SEMA3D: variants seen among roughly 807,000 people sequenced by gnomAD.
SEMA3D encodes semaphorin 3D.
In SEMA3D, 84 loss-of-function variants were observed where a neutral mutation model predicts 100.1. The observed-to-expected ratio is 0.84, with a 90% CI of 0.70 to 1.01. SEMA3D has a LOEUF of 1.01. Ranked by LOEUF, SEMA3D falls within the 50% of genes least tolerant of loss-of-function variation. SEMA3D has a pLI of 0.00. For missense variants in SEMA3D, 875 were observed against 934.1 expected, an observed-to-expected ratio of 0.94 and a Z score of 0.82; for synonymous variants, 312 against 320.7, an observed-to-expected ratio of 0.97 and a Z score of 0.29.
chr7:85,236,284 T>A, the SEMA3D span, among the ~76,000 whole-genome samples: 26,778 of 112,408 alleles, frequency 0.24, 3,079 homozygotes, highest in Middle Eastern at 0.32. Context: ...TATTTTATTT[T>A]ATTTATTTAT....
At chr7:85,246,088 T>C in the SEMA3D span, among the ~76,000 whole-genome samples, 1 of 152,132 alleles carries the variant, frequency 6.6e-6, no homozygotes, top group Non-Finnish European at 1.5e-5. Flanking sequence ...GTGCATGATT[T>C]AATGTCGACA....
chr7:85,181,791 C>A, intron 1 of SEMA3D: 5 of 980,142 alleles, frequency 5.1e-6, no homozygotes, highest in Non-Finnish European at 6.1e-6. Context: ...GATTAGCATG[C>A]TAGTTAAAGA....
the SEMA3D span, among the ~76,000 whole-genome samples, chr7:85,215,732 G>A: frequency 1.3e-5 from 2 of 152,010 alleles, no homozygotes; most frequent in African/African-American, 4.8e-5. Flanking sequence ...CTTACTACAT[G>A]TAAATATATA....
In SEMA3D at chr7:85,121,191, A is replaced by G. The variant is rs148262197; in HGVS notation, c.151+550T>C. 4.3e-3 allele frequency among the ~76,000 whole-genome samples: 652 copies of G among 152,352 alleles called. 5 individuals carry two copies. Among genetic ancestry groups the G allele is most frequent in the African/African-American group, 0.015 (638 of 41,580 alleles). On this transcript the variant is annotated intron_variant, in intron 3 of 18. Transcript: ENST00000284136. ...CAGACACACACAAAGTTGACCAACCATAATTCATATAAACTTTGCTTTTAT... is the reference window on the plus strand; with the variant it reads ...CAGACACACACAAAGTTGACCAACCGTAATTCATATAAACTTTGCTTTTAT...
intron 9 of SEMA3D, among the ~76,000 whole-genome samples, chr7:85,045,664 T>A (rs1428814379): frequency 6.6e-6 from 1 of 151,910 alleles, no homozygotes; most frequent in African/African-American, 2.4e-5. Flanking sequence ...TTAATAAGAA[T>A]AAGCAAAAAT....
intron 5 of SEMA3D, 37 bp from the exon 6 acceptor site, chr7:85,073,118 T>C (rs1791822549): frequency 6.3e-7 from 1 of 1,597,216 alleles, no homozygotes; most frequent in South Asian, 1.1e-5. Context: ...TAACACACAA[T>C]TCAGGTTTTT....
chr7:85,021,798 A>AT (rs1417551688), intron 13 of SEMA3D, among the ~76,000 whole-genome samples: 1 of 151,788 alleles, frequency 6.6e-6, no homozygotes, highest in Non-Finnish European at 1.5e-5. Flanking sequence ...TTTTTTTGAG[A>AT]TTAAGTTTTT....
At chr7:85,095,807 T>C (rs1291751052) in intron 4 of SEMA3D, among the ~76,000 whole-genome samples, 3 of 152,054 alleles carry the variant, frequency 2.0e-5, no homozygotes, top group Non-Finnish European at 4.4e-5. Context: ...TTCAAACAAC[T>C]TTATTTTAAT....
the SEMA3D span, among the ~76,000 whole-genome samples, chr7:85,238,838 T>C: frequency 6.6e-6 from 1 of 152,172 alleles, no homozygotes; most frequent in African/African-American, 2.4e-5. Context: ...AGAATTTCTC[T>C]TCATTTATTT....
chr7:85,080,509 G>A (rs538827335), intron 5 of SEMA3D, among the ~76,000 whole-genome samples: 3 of 152,086 alleles, frequency 2.0e-5, no homozygotes, highest in East Asian at 1.9e-4. Flanking sequence ...TAATACCCCC[G>A]CATTATTGTG....
rs34641872 is a variant in SEMA3D, at chr7:85,126,375, C to CGT, written c.-40-4446_-40-4445dup. Among the ~76,000 whole-genome samples the CGT allele has an allele frequency of 5.5e-3, 722 of 130,954 alleles. 7 individuals are homozygous for CGT. Among genetic ancestry groups the CGT allele is most frequent in the African/African-American group, 0.016 (527 of 32,336 alleles). The allele number at this position is 130,954 out of a possible 152,430, so 85.9% of individuals were successfully genotyped here. On this transcript the variant is annotated intron_variant, in intron 2 of 18. Transcript: ENST00000284136. ...AACACTTAGATTTAGGATTCTTTCT[C>CGT]GTGTGTGTGTGTGTGTGTGTGTGTG...
intron 3 of SEMA3D, among the ~76,000 whole-genome samples, chr7:85,115,632 A>G (rs1055379811): frequency 6.6e-6 from 1 of 152,052 alleles, no homozygotes; most frequent in Non-Finnish European, 1.5e-5. Flanking sequence ...GCAGTATTAT[A>G]TATAGTCAAA....
chr7:85,125,404 G>A (rs1789539328), intron 2 of SEMA3D, among the ~76,000 whole-genome samples: 1 of 152,166 alleles, frequency 6.6e-6, no homozygotes. Context: ...CGTAAGTTAA[G>A]AAGATTGATG....
At chr7:85,042,144 C>A in intron 10 of SEMA3D, 27 bp downstream of exon 10, 1 of 1,502,038 alleles carries the variant, frequency 6.7e-7, no homozygotes, top group South Asian at 1.1e-5. Flanking sequence ...AAGGCCTTTC[C>A]AAGAAAGAAG....
the SEMA3D span, among the ~76,000 whole-genome samples, chr7:85,212,208 A>C: frequency 6.6e-6 from 1 of 150,970 alleles, no homozygotes; most frequent in East Asian, 1.9e-4. Flanking sequence ...TTCTCTGTTC[A>C]GAAAATGTTC....
At chr7:85,108,796 G>A (rs982948846) in intron 3 of SEMA3D, among the ~76,000 whole-genome samples, 2 of 151,718 alleles carry the variant, frequency 1.3e-5, no homozygotes, top group East Asian at 3.9e-4. Context: ...GGTCAAATTT[G>A]TACATCTCTA....
At chr7:85,088,751 G>C (rs1452031143) in intron 4 of SEMA3D, among the ~76,000 whole-genome samples, 1 of 152,106 alleles carries the variant, frequency 6.6e-6, no homozygotes, top group Non-Finnish European at 1.5e-5. Flanking sequence ...TTTTGTTTTA[G>C]ATTTTTATAT....
chr7:85,214,622 G>C, the SEMA3D span, among the ~76,000 whole-genome samples: 1 of 151,838 alleles, frequency 6.6e-6, no homozygotes, highest in African/African-American at 2.4e-5. Context: ...TCAGCCTCCC[G>C]AGTAGCTGGG....
At chr7:85,142,673 C>A (rs1426067715) in intron 2 of SEMA3D, 14 of 675,884 alleles carry the variant, frequency 2.1e-5, no homozygotes, top group Non-Finnish European at 1.7e-5. Flanking sequence ...AGAAGGATGG[C>A]ATTTTTTTTT....
Sources: gnomAD v4.1 joint callset for allele counts (sites outside exome capture counted in the v4.1 genomes callset) on GRCh38, gnomAD v4.1.1 for gene constraint, MANE v1.5 for transcripts, NCBI Gene and HGNC (gene_info 2026-07-23, HGNC 2026-07-21) for gene names.